COL23A1: variants seen among roughly 807,000 people sequenced by gnomAD.
COL23A1 encodes the protein collagen type XXIII alpha 1 chain, also known as collagen alpha-1(XXIII) chain.
A neutral mutation model predicts 99.3 loss-of-function variants in COL23A1; 97 were observed. The observed-to-expected ratio is 0.98, with a 90% confidence interval of 0.83 to 1.16. COL23A1 has a LOEUF of 1.16. Ranked by LOEUF, COL23A1 falls within the 50% of genes most tolerant of loss-of-function variation. COL23A1 has a pLI of 0.00. For missense variants in COL23A1, 762 were observed against 757.4 expected (o/e 1.01, Z -0.07); for synonymous variants, 320 against 308.2 (o/e 1.04, Z -0.40).
At chr5:178,424,933 C>T (rs961237664) in intron 2 of COL23A1, among the ~76,000 whole-genome samples, 3 of 152,190 alleles carry the variant, frequency 2.0e-5, no homozygotes, top group Admixed American at 1.3e-4. Flanking sequence ...GGGTCCTGGC[C>T]TCGCCTCCTC....
At chr5:178,467,301 T>A (rs1355761980) in intron 2 of COL23A1, among the ~76,000 whole-genome samples, 2 of 152,184 alleles carry the variant, frequency 1.3e-5, no homozygotes, top group Non-Finnish European at 2.9e-5. Context: ...GTGTGGGTCT[T>A]GCCCTTCCCT....
chr5:178,487,006 T>C lies in COL23A1; in HGVS notation c.361+73676A>G, dbSNP rs1040034999. Among the ~76,000 whole-genome samples the C allele has an allele frequency of 5.3e-5, 8 of 152,332 alleles. No individual in the cohort carries two copies. In the East Asian group the frequency reaches 1.4e-3, roughly 26 times the overall value. On this transcript the variant is annotated intron_variant, in intron 2 of 28. Coordinates refer to ENST00000390654, the MANE Select transcript of COL23A1 (RefSeq NM_173465.4). ...AAACTGGACGCTCTCTATCCACTGG[T>C]AGCTCATGCATTCCAGAATCAACCT...
intron 2 of COL23A1, among the ~76,000 whole-genome samples, chr5:178,423,349 T>C (rs1212189870): frequency 3.9e-5 from 6 of 152,168 alleles, no homozygotes; most frequent in Admixed American, 3.9e-4. Flanking sequence ...CTGGTAATCC[T>C]GGCAGCAGGA....
intron 2 of COL23A1, among the ~76,000 whole-genome samples, chr5:178,503,395 A>G (rs57747314): frequency 0.017 from 2,520 of 152,324 alleles, 83 homozygotes; most frequent in African/African-American, 0.057. Context: ...ACAGTCTGTG[A>G]AAATGCTCCT....
At chr5:178,566,957 A>G (rs1379706909) in intron 1 of COL23A1, among the ~76,000 whole-genome samples, 5 of 152,222 alleles carry the variant, frequency 3.3e-5, no homozygotes, top group Non-Finnish European at 7.3e-5. Context: ...TTATATACAC[A>G]TTAGGGTTGA....
Position 178,288,340 on chromosome 5 carries a change from C to T in COL23A1, c.425G>A (p.Gly142Glu). Reference protein sequence around the residue: ...RGDPGPPGQSGRDGYPGPLGL... With the variant: ...RGDPGPPGQSERDGYPGPLGL... ...ACAAATTACCGGGTAGCCATCTCGT[C>T]CTGATTGCCCCTGTGGTAATTAATA... The change falls in exon 5 of 29, where the codon GGA (glycine) becomes GAA (glutamate). Residue 142 changes from glycine to glutamate, a missense_variant. Physicochemically the swap from Gly to Glu is moderately conservative, Grantham distance 98 (BLOSUM62 -2). Transcript: ENST00000390654. The T allele has an allele frequency of 6.2e-7, 1 of 1,611,962 alleles. No homozygotes were observed. Among genetic ancestry groups the T allele is most frequent in the East Asian group, 2.2e-5 (1 of 44,884 alleles).
intron 18 of COL23A1, among the ~76,000 whole-genome samples, chr5:178,249,761 C>A (rs1191916420): frequency 7.0e-6 from 1 of 142,524 alleles, no homozygotes; most frequent in African/African-American, 2.6e-5. Context: ...CGAATTGGGG[C>A]AATACCTACA....
At chr5:178,405,166 C>A (rs181999609) in intron 2 of COL23A1, among the ~76,000 whole-genome samples, 3 of 152,210 alleles carry the variant, frequency 2.0e-5, no homozygotes, top group Non-Finnish European at 2.9e-5. Context: ...ATGCCCGCAG[C>A]GTGTCTGGTT....
intron 2 of COL23A1, among the ~76,000 whole-genome samples, chr5:178,329,488 C>T (rs529365793): frequency 1.7e-4 from 26 of 152,316 alleles, no homozygotes; most frequent in African/African-American, 6.3e-4. Context: ...TACCCACCCC[C>T]ACCAGGAATG....
At chr5:178,483,921 G>A (rs901692072) in intron 2 of COL23A1, among the ~76,000 whole-genome samples, 5 of 152,186 alleles carry the variant, frequency 3.3e-5, no homozygotes, top group African/African-American at 1.2e-4. Flanking sequence ...CTGGGTACCG[G>A]CTCTGTGCTA....
At chr5:178,556,475 T>A (rs1032138193) in intron 2 of COL23A1, among the ~76,000 whole-genome samples, 1 of 150,302 alleles carries the variant, frequency 6.7e-6, no homozygotes, top group Non-Finnish European at 1.5e-5. Flanking sequence ...ATACAAAAAT[T>A]AGCTGGGCGT....
rs1044245469 is a variant in COL23A1, at chr5:178,544,122, G to A, written c.361+16560C>T. ...AGATTCAGTCCACAGCATAATCTCC[G>A]GGGCATGTCCCTCCTTACACTCTCC... On this transcript the variant is annotated intron_variant, in intron 2 of 28. Transcript: ENST00000390654. This position sits in a 1 kb window ranked among gnomAD's most constrained non-coding sequence, Gnocchi z 4.4. 4.6e-5 allele frequency among the ~76,000 whole-genome samples: 7 copies of A among 152,132 alleles called. No homozygotes were observed. The highest frequency in any genetic ancestry group is 1.2e-4 in the African/African-American group (5 of 41,476).
chr5:178,539,049 T>C (rs1761136313), intron 2 of COL23A1, among the ~76,000 whole-genome samples: 3 of 152,162 alleles, frequency 2.0e-5, no homozygotes, highest in Admixed American at 2.0e-4. Context: ...ATTAAATAGA[T>C]TCGTGGTTGG....
At chr5:178,266,848 C>T (rs1027325095) in intron 8 of COL23A1, among the ~76,000 whole-genome samples, 4 of 152,228 alleles carry the variant, frequency 2.6e-5, no homozygotes, top group African/African-American at 9.6e-5. Context: ...CCCATAACAA[C>T]CTCTTGGGGT....
chr5:178,517,431 G>C (rs1189398916), intron 2 of COL23A1, among the ~76,000 whole-genome samples: 1 of 152,044 alleles, frequency 6.6e-6, no homozygotes, highest in Admixed American at 6.5e-5. Context: ...AACAGTGCTA[G>C]GCAGTGTGCA....
At chr5:178,494,120 G>A (rs984661860) in intron 2 of COL23A1, among the ~76,000 whole-genome samples, 19 of 152,200 alleles carry the variant, frequency 1.2e-4, no homozygotes, top group East Asian at 9.6e-4. Context: ...AACATTATAC[G>A]GGAGTGTGGA....
rs187202180 is a variant in COL23A1 at position 178,260,787 on chromosome 5, T to C, written c.702+935A>G. On this transcript the variant is annotated intron_variant, in intron 11 of 28. Transcript: ENST00000390654. ...CCAGCCTGGGCGACAAGAGCAAGAC[T>C]CCATCTCAAAAAAAAAGATAAAAGA... Among the ~76,000 whole-genome samples, 8 of 151,606 alleles carry C rather than the reference T, an allele frequency of 5.3e-5. No individual in the cohort carries two copies. The East Asian group carries it at 1.6e-3, about 30-fold the overall frequency.
chr5:178,346,827 C>T (rs1219298503), intron 2 of COL23A1, among the ~76,000 whole-genome samples: 3 of 152,208 alleles, frequency 2.0e-5, no homozygotes, highest in African/African-American at 7.2e-5. Flanking sequence ...CCCGTCGGAG[C>T]CTCTGAAGGC....
At chr5:178,583,429 G>A (rs1325501279) in intron 1 of COL23A1, among the ~76,000 whole-genome samples, 1 of 152,110 alleles carries the variant, frequency 6.6e-6, no homozygotes, top group Non-Finnish European at 1.5e-5. Flanking sequence ...ATTGTCCTTT[G>A]GGATCAGCTT....
Sources: gnomAD v4.1 joint callset for allele counts (sites outside exome capture counted in the v4.1 genomes callset) on GRCh38, gnomAD v4.1.1 for gene constraint, Gnocchi (gnomAD v3.1) non-coding constraint, MANE v1.5 for transcripts, NCBI Gene and HGNC (gene_info 2026-07-23, HGNC 2026-07-21) for gene names.